The following TASP1 variants were observed in gnomAD, a reference collection of about 807,000 sequenced individuals.
The protein encoded by TASP1 is threonine aspartase 1.
Under a neutral mutation model 56.6 loss-of-function variants are expected in TASP1, and 16 were observed. The observed-to-expected ratio is 0.28, with a 90% CI of 0.19 to 0.43. The LOEUF (loss-of-function observed/expected upper bound fraction) is 0.43, where lower values mean the gene tolerates loss of function less well. TASP1 is among the 20% of genes least tolerant of loss of function. The probability of loss-of-function intolerance (pLI) is 1.00; values close to 1 mark genes in which losing one functional copy is unlikely to be tolerated. For synonymous variants in TASP1, 179 were observed against 184.2 expected, an observed-to-expected ratio of 0.97 and a Z score of 0.23; for missense variants, 393 against 511.6, an observed-to-expected ratio of 0.77 and a Z score of 2.24.
In TASP1 at chr20:13,527,613, C is replaced by T. The variant is rs566818192; in HGVS notation, c.874+820G>A. The stretch of plus-strand genomic sequence containing the variant: ...CCATTCCTCATCTCCTGCACACACG[C>T]ACGCACGCACACACACATACGCACA... On this transcript the variant is annotated intron_variant, in intron 10 of 13. Transcript: ENST00000337743. Among the ~76,000 whole-genome samples the T allele has an allele frequency of 3.3e-5, 5 of 152,150 alleles. No homozygotes were observed. The South Asian group carries it at 8.3e-4, about 25-fold the overall frequency.
the TASP1 span, among the ~76,000 whole-genome samples, chr20:13,308,010 G>T: frequency 1.3e-5 from 2 of 152,194 alleles, no homozygotes; most frequent in Admixed American, 6.5e-5. Flanking sequence ...CAAAGTGGTT[G>T]TCCTGGTGGA....
intron 5 of TASP1, 125 bp from the exon 6 acceptor site, chr20:13,581,106 C>T (rs2147214280): frequency 2.7e-6 from 2 of 750,936 alleles, no homozygotes; most frequent in Non-Finnish European, 4.2e-6. Flanking sequence ...TTCGATATAT[C>T]AAATAATACT....
chr20:13,602,614 A>C (rs1280252172), intron 4 of TASP1, among the ~76,000 whole-genome samples: 1 of 152,026 alleles, frequency 6.6e-6, no homozygotes, highest in African/African-American at 2.4e-5. Flanking sequence ...TGGGGTGGGG[A>C]ATGGTTTTAG....
the TASP1 span, among the ~76,000 whole-genome samples, chr20:13,375,757 C>T: frequency 6.6e-6 from 1 of 152,176 alleles, no homozygotes; most frequent in South Asian, 2.1e-4. Flanking sequence ...TGTTTCCTGA[C>T]TTCTTAATGA....
chr20:13,492,572 T>C (rs543542330), intron 10 of TASP1, among the ~76,000 whole-genome samples: 1 of 152,208 alleles, frequency 6.6e-6, no homozygotes, highest in Non-Finnish European at 1.5e-5. Flanking sequence ...GAACCTATTA[T>C]ATACAAGGGG....
At chr20:13,254,549 C>T in the TASP1 span, among the ~76,000 whole-genome samples, 17 of 152,302 alleles carry the variant, frequency 1.1e-4, no homozygotes, top group Non-Finnish European at 2.1e-4. Flanking sequence ...CTCCTTGGTG[C>T]ACTTGCTGGG....
chr20:13,580,788 T>C (rs2047092835), intron 6 of TASP1, 109 bp downstream of exon 6: 4 of 1,023,188 alleles, frequency 3.9e-6, no homozygotes, highest in Non-Finnish European at 6.0e-6. Flanking sequence ...GGAACAAAGT[T>C]TGTCTTCTTC....
chr20:13,370,046 C>T, the TASP1 span, among the ~76,000 whole-genome samples: 6 of 152,140 alleles, frequency 3.9e-5, no homozygotes, highest in Non-Finnish European at 7.4e-5. Flanking sequence ...CCATCAAATA[C>T]TACTCATACT....
chr20:13,587,180 C>A, intron 5 of TASP1, 70 bp downstream of exon 5: 1 of 1,502,106 alleles, frequency 6.7e-7, no homozygotes, highest in Admixed American at 2.4e-5. Flanking sequence ...AGACTGTAAT[C>A]ATCTTTAGAA....
chr20:13,528,295 C>T (rs770573854), intron 10 of TASP1, 138 bp downstream of exon 10: 23 of 564,900 alleles, frequency 4.1e-5, no homozygotes, highest in Admixed American at 9.9e-5. Context: ...CTTAAAACCT[C>T]GCAAATACTG....
chr20:13,350,225 T>A, the TASP1 span, among the ~76,000 whole-genome samples: 13 of 151,992 alleles, frequency 8.6e-5, no homozygotes, highest in African/African-American at 3.1e-4. Context: ...CAAAAACTAA[T>A]GAAAGAAAGA....
intron 10 of TASP1, among the ~76,000 whole-genome samples, chr20:13,520,673 T>C (rs991100132): frequency 6.6e-6 from 1 of 152,002 alleles, no homozygotes; most frequent in East Asian, 1.9e-4. Flanking sequence ...AAAAACCATA[T>C]AAGAAAACCT....
At chr20:13,320,812 T>C in the TASP1 span, among the ~76,000 whole-genome samples, 1 of 152,168 alleles carries the variant, frequency 6.6e-6, no homozygotes, top group African/African-American at 2.4e-5. Flanking sequence ...GGGAAAGGGC[T>C]TCCCAGAAGT....
chr20:13,341,561 T>C, the TASP1 span, among the ~76,000 whole-genome samples: 1 of 152,344 alleles, frequency 6.6e-6, no homozygotes, highest in African/African-American at 2.4e-5. Flanking sequence ...ATATTTTTTA[T>C]GTTCTCTGTG....
the TASP1 span, among the ~76,000 whole-genome samples, chr20:13,119,792 C>T: frequency 6.6e-6 from 1 of 152,194 alleles, no homozygotes; most frequent in African/African-American, 2.4e-5. Context: ...ACCTTGAAAA[C>T]ATAGGGGCTG....
chr20:13,322,040 G>T, the TASP1 span, among the ~76,000 whole-genome samples: 2 of 152,328 alleles, frequency 1.3e-5, no homozygotes, highest in East Asian at 3.9e-4. Context: ...TTGTGCATGT[G>T]TATCGCTTAA....
At chr20:13,249,880 C>T in the TASP1 span, among the ~76,000 whole-genome samples, 2 of 152,022 alleles carry the variant, frequency 1.3e-5, no homozygotes, top group Non-Finnish European at 2.9e-5. Flanking sequence ...CTCCTTTCTG[C>T]ACTCTCTTTT....
the TASP1 span, chr20:13,221,900 C>T: frequency 1.5e-6 from 2 of 1,378,028 alleles, no homozygotes; most frequent in Non-Finnish European, 9.3e-7. Context: ...CAACGCCAGC[C>T]AAGCCCAGCT....
intron 8 of TASP1, among the ~76,000 whole-genome samples, chr20:13,554,508 T>C: frequency 1.3e-5 from 1 of 77,002 alleles, no homozygotes; most frequent in African/African-American, 8.9e-5. Flanking sequence ...TATAATCGAT[T>C]ACTTTAAAAG....
Sources: allele counts gnomAD v4.1 joint callset (sites outside exome capture counted in the v4.1 genomes callset), GRCh38; gene constraint gnomAD v4.1.1; transcripts MANE v1.5; gene names NCBI Gene and HGNC (gene_info 2026-07-23, HGNC 2026-07-21).